The following EIF3H variants were observed in gnomAD, a reference collection of about 807,000 sequenced individuals.
EIF3H encodes eukaryotic translation initiation factor 3 subunit H.
A neutral mutation model predicts 44.2 loss-of-function variants in EIF3H; 26 were observed. That is an observed-to-expected ratio of 0.59 (90% CI 0.43 to 0.82). The LOEUF is 0.82. Ranked by LOEUF, EIF3H falls within the 40% of genes least tolerant of loss-of-function variation. The probability of loss-of-function intolerance (pLI) is 0.00; values close to 1 mark genes in which losing one functional copy is unlikely to be tolerated. For missense variants in EIF3H, 359 were observed against 432.8 expected (o/e 0.83, Z 1.51); for synonymous variants, 166 against 151.9 (o/e 1.09, Z -0.68).
intron 2 of EIF3H, among the ~76,000 whole-genome samples, chr8:116,711,609 C>A (rs1013199495): frequency 5.3e-5 from 8 of 152,020 alleles, no homozygotes; most frequent in Non-Finnish European, 7.4e-5. Context: ...AAAAGATGGT[C>A]AACTTACAAA....
In EIF3H at chr8:116,736,452, G is replaced by A. The variant is rs1000731873; in HGVS notation, c.133-10280C>T. Among the ~76,000 whole-genome samples, 3 of 152,300 alleles carry A rather than the reference G, an allele frequency of 2.0e-5. No individual in the cohort carries two copies. The East Asian group carries it at 5.8e-4, about 29-fold the overall frequency. On this transcript the variant is annotated intron_variant, in intron 1 of 7. Transcript: ENST00000521861. ...TGAGGCCAGCGGATCACGGGGTCAG[G>A]AGATTGAGACCATCCTGACTAACAC... is the stretch of plus-strand genomic sequence containing the variant.
chr8:116,703,331 C>A (rs1413132225), intron 2 of EIF3H, among the ~76,000 whole-genome samples: 1 of 148,920 alleles, frequency 6.7e-6, no homozygotes, highest in Admixed American at 6.6e-5. Context: ...CTGGGAAGCA[C>A]CCATTACTTA....
At chr8:116,661,298 G>A (rs1050884719) in intron 2 of EIF3H, among the ~76,000 whole-genome samples, 2 of 152,164 alleles carry the variant, frequency 1.3e-5, no homozygotes, top group East Asian at 1.9e-4. Context: ...CTGACAGAAC[G>A]AGTAAGATTT....
At chr8:116,648,957 CTTACT>C in intron 5 of EIF3H, 31 bp from the exon 6 acceptor site, 1 of 1,584,342 alleles carries the variant, frequency 6.3e-7, no homozygotes, top group Non-Finnish European at 8.6e-7. Flanking sequence ...ACTGACAAGT[CTTACT>C]TTAAATTATA....
chr8:116,728,305 G>T (rs1305155693), intron 1 of EIF3H, among the ~76,000 whole-genome samples: 1 of 152,096 alleles, frequency 6.6e-6, no homozygotes, highest in East Asian at 1.9e-4. Flanking sequence ...TCATTTTATA[G>T]ATAAGAAAAC....
intron 1 of EIF3H, among the ~76,000 whole-genome samples, chr8:116,747,887 G>A (rs1395162860): frequency 1.3e-5 from 2 of 152,116 alleles, no homozygotes; most frequent in South Asian, 4.1e-4. Flanking sequence ...AGGTGGGTGG[G>A]TCACCTGAGA....
At chr8:116,668,641 C>T (rs1156620316) in intron 2 of EIF3H, among the ~76,000 whole-genome samples, 3 of 151,906 alleles carry the variant, frequency 2.0e-5, no homozygotes, top group African/African-American at 4.8e-5. Flanking sequence ...ACATCTTTAC[C>T]ACACATTAAT....
chr8:116,759,808 C>T (rs1398662268), upstream of EIF3H, among the ~76,000 whole-genome samples: 1 of 152,096 alleles, frequency 6.6e-6, no homozygotes, highest in African/African-American at 2.4e-5. Context: ...CAGCTCACAG[C>T]AGCCTCAACC....
intron 1 of EIF3H, among the ~76,000 whole-genome samples, chr8:116,753,293 A>C (rs1280104896): frequency 6.6e-6 from 1 of 152,196 alleles, no homozygotes; most frequent in Admixed American, 6.5e-5. Flanking sequence ...TGAATAAGAG[A>C]TAATTCACTA....
At chr8:116,684,405 AAC>A (rs1425098291) in intron 2 of EIF3H, among the ~76,000 whole-genome samples, 4 of 152,190 alleles carry the variant, frequency 2.6e-5, no homozygotes, top group Non-Finnish European at 5.9e-5. Flanking sequence ...ATCTAGAATG[AAC>A]ACAGTTTTAA....
chr8:116,703,750 A>G (rs1373131884), intron 2 of EIF3H, among the ~76,000 whole-genome samples: 1 of 152,128 alleles, frequency 6.6e-6, no homozygotes, highest in African/African-American at 2.4e-5. Flanking sequence ...AATAAATAAC[A>G]GCACACCCAG....
chr8:116,755,633 C>A, intron 1 of EIF3H, 33 bp downstream of exon 1: 1 of 1,612,946 alleles, frequency 6.2e-7, no homozygotes, highest in Non-Finnish European at 8.5e-7. Flanking sequence ...CTGCGCTCCC[C>A]ACGTGGGCCA....
chr8:116,719,006 G>A (rs969389083), intron 2 of EIF3H, among the ~76,000 whole-genome samples: 5 of 152,170 alleles, frequency 3.3e-5, no homozygotes, highest in South Asian at 2.1e-4. Context: ...AAATTACTAC[G>A]GTGGGAAAGA....
intron 2 of EIF3H, among the ~76,000 whole-genome samples, chr8:116,661,430 G>C (rs369341949): frequency 6.6e-6 from 1 of 152,188 alleles, no homozygotes; most frequent in African/African-American, 2.4e-5. Flanking sequence ...TTGGAATCTA[G>C]AGGTCGAGGT....
chr8:116,715,646 T>C (rs1440002800), intron 2 of EIF3H, among the ~76,000 whole-genome samples: 2 of 152,098 alleles, frequency 1.3e-5, no homozygotes, highest in Non-Finnish European at 2.9e-5. Context: ...TCACCTGAAA[T>C]AGTAAATCAA....
In EIF3H at chr8:116,755,689, T is replaced by C. The variant is rs773388414; in HGVS notation, c.109A>G (p.Lys37Glu). 3.1e-6 allele frequency: 5 copies of C among 1,614,174 alleles called. 1 individual carries two copies. In the South Asian group the frequency reaches 3.3e-5, roughly 11 times the overall value. Residue 37 changes from lysine to glutamate, a missense_variant, in exon 1 of 8, where the codon AAG (lysine) becomes GAG (glutamate). By Grantham distance (56) the Lys-to-Glu change is moderately conservative. This residue lies in a region of EIF3H where 91 missense variants were observed against 164.6 expected (regional missense o/e 0.55). Transcript: ENST00000521861. ...GKGGSGDSAV[K>E]QVQIDGLVVL... ...ACAAGGCCATCTATCTGCACTTGCT[T>C]CACGGCTGAATCTCCCGAGCCGCCT... is the stretch of plus-strand genomic sequence containing the variant.
At chr8:116,651,327 T>C (rs984307139) in intron 5 of EIF3H, among the ~76,000 whole-genome samples, 2 of 152,182 alleles carry the variant, frequency 1.3e-5, no homozygotes, top group South Asian at 2.1e-4. Context: ...CAGAGAGGAA[T>C]GGAGGGTGAC....
intron 5 of EIF3H, among the ~76,000 whole-genome samples, chr8:116,652,578 T>A (rs1322886214): frequency 6.6e-6 from 1 of 152,204 alleles, no homozygotes; most frequent in African/African-American, 2.4e-5. Context: ...GTCTACAATT[T>A]ACTTTCAGAT....
chr8:116,672,061 A>G (rs1441760295), intron 2 of EIF3H, among the ~76,000 whole-genome samples: 2 of 152,208 alleles, frequency 1.3e-5, no homozygotes, highest in African/African-American at 4.8e-5. Context: ...TGTTTATTAC[A>G]ATGGTATGGA....
Sources: allele counts gnomAD v4.1 joint callset (sites outside exome capture counted in the v4.1 genomes callset), GRCh38; gene constraint gnomAD v4.1.1; regional missense constraint gnomAD v4.1.1; transcripts MANE v1.5; gene names NCBI Gene and HGNC (gene_info 2026-07-23, HGNC 2026-07-21).